Variants in ITPKA observed in about 807,000 individuals in gnomAD.
The protein encoded by ITPKA is inositol-trisphosphate 3-kinase A, also known as IP3 3-kinase A.
ITPKA carries 16 observed loss-of-function variants against 40.7 expected under a neutral mutation model. The ratio of observed to expected loss-of-function variants is 0.39; its 90% CI spans 0.27 to 0.60. The LOEUF (loss-of-function observed/expected upper bound fraction) is 0.60. Ranked by LOEUF, ITPKA falls within the 20% of genes least tolerant of loss-of-function variation. The pLI is 0.50. For synonymous variants in ITPKA, 313 were observed against 289.9 expected (o/e 1.08, Z -0.81); for missense variants, 540 against 649.3 (o/e 0.83, Z 1.83).
chr15:41,501,163 T>C (rs1364874763), intron 1 of ITPKA: 1 of 196,908 alleles, frequency 5.1e-6, no homozygotes, highest in African/African-American at 2.4e-5. Context: ...AGCATTTTCG[T>C]AACCTGCCCA....
At chr15:41,499,985 G>A (rs548899542) in intron 1 of ITPKA, among the ~76,000 whole-genome samples, 3 of 151,938 alleles carry the variant, frequency 2.0e-5, no homozygotes, top group East Asian at 1.9e-4. Flanking sequence ...TTTTTGAGAC[G>A]GAGTCTCACT....
chr15:41,496,471 C>T (rs1054972876), intron 1 of ITPKA, among the ~76,000 whole-genome samples: 7 of 152,206 alleles, frequency 4.6e-5, no homozygotes, highest in Non-Finnish European at 1.0e-4. Context: ...AGCCTCACTC[C>T]GGCAGAGGAA....
intron 4 of ITPKA, 35 bp downstream of exon 4, chr15:41,502,236 C>T (rs763768253): frequency 6.5e-7 from 1 of 1,537,928 alleles, no homozygotes; most frequent in Non-Finnish European, 8.8e-7. Context: ...ACCGCCGCAG[C>T]CCCACTGCGC....
intron 3 of ITPKA, 40 bp downstream of exon 3, chr15:41,501,891 G>GGGGTCC (rs2051114256): frequency 2.5e-6 from 4 of 1,601,632 alleles, no homozygotes; most frequent in Non-Finnish European, 2.6e-6. Flanking sequence ...GGATCAAGTA[G>GGGGTCC]GGGTCCGGGG....
At chr15:41,500,360 A>G (rs969833304) in intron 1 of ITPKA, among the ~76,000 whole-genome samples, 68 of 152,204 alleles carry the variant, frequency 4.5e-4, no homozygotes, top group African/African-American at 1.4e-3. Context: ...AGGGATAGCA[A>G]GAGAGGCTTG....
At chr15:41,500,564 G>A (rs1420398585) in intron 1 of ITPKA, among the ~76,000 whole-genome samples, 1 of 152,210 alleles carries the variant, frequency 6.6e-6, no homozygotes, top group Non-Finnish European at 1.5e-5. Context: ...TGGGATGGGG[G>A]AGCTGGGCGC....
intron 1 of ITPKA, among the ~76,000 whole-genome samples, chr15:41,498,682 G>C (rs1041843400): frequency 1.3e-5 from 2 of 152,156 alleles, no homozygotes; most frequent in African/African-American, 4.8e-5. Context: ...CATTCTTTTG[G>C]ATAAAGGCAA....
At chr15:41,501,435 T>A in intron 1 of ITPKA, 28 bp from the exon 2 acceptor site, 1 of 1,589,938 alleles carries the variant, frequency 6.3e-7, no homozygotes, top group Non-Finnish European at 8.6e-7. Flanking sequence ...AGACGCCGAT[T>A]ATCAGACCTT....
chr15:41,493,972 C>A lies in ITPKA; in HGVS notation c.45C>A (p.Gly15=). The A allele has an allele frequency of 9.3e-7, 1 of 1,069,570 alleles. No individual in the cohort carries two copies. The highest frequency in any genetic ancestry group is 1.1e-6 in the Non-Finnish European group (1 of 885,348). The allele number at this position is 1,069,570 out of a possible 1,614,324, so 66.3% of individuals were successfully genotyped here. A position where few individuals can be genotyped will look rare whatever the true frequency, so the allele number is the denominator to read the frequency against. The change falls in exon 1 of 7, where the codon GGC becomes GGA. Residue 15 remains glycine, a synonymous_variant. Transcript: ENST00000260386. ...GGPTGMARPG[G]ARPCSPGLER... is the part of the protein sequence containing the mutation. ...CAACGGGCATGGCGCGGCCGGGGGG[C>A]GCGAGGCCCTGCAGCCCGGGGCTGG...
chr15:41,495,079 C>T (rs1001770908), intron 1 of ITPKA, among the ~76,000 whole-genome samples: 1 of 152,206 alleles, frequency 6.6e-6, no homozygotes, highest in South Asian at 2.1e-4. Flanking sequence ...ACTGAGGCTG[C>T]AAGGGGGCAG....
chr15:41,494,276 C>G lies in ITPKA; in HGVS notation c.349C>G (p.Pro117Ala), dbSNP rs764104815. 4.5e-6 allele frequency: 7 copies of G among 1,548,150 alleles called. No individual in the cohort carries two copies. Among genetic ancestry groups the G allele is most frequent in the Non-Finnish European group, 5.2e-6 (6 of 1,154,828 alleles). The change falls in exon 1 of 7, where the codon CCG becomes GCG. Residue 117 changes from proline to alanine, a missense_variant. Pro to Ala is a conservative substitution (Grantham distance 27, BLOSUM62 -1). Coordinates refer to ENST00000260386, the MANE Select transcript of ITPKA (RefSeq NM_002220.3). This position sits in a 1 kb window ranked among gnomAD's most constrained non-coding sequence, Gnocchi z 7.8. ...PAAGSSHLQQ[P>A]RRLSTSSVSS... is the part of the protein sequence containing the mutation. ...AGCGGGCTCTTCGCACCTGCAGCAG[C>G]CGCGCCGCCTTTCCACCTCGTCGGT... is the stretch of plus-strand genomic sequence containing the variant.
Position 41,493,886 on chromosome 15 carries a change from G to C in ITPKA, c.-42G>C. On this transcript the variant is annotated 5_prime_UTR_variant, in exon 1 of 7. Transcript: ENST00000260386. ...GCCGAGCCGCTCCAGTCCCCGGCGC[G>C]CCGCGGGCTGGTGGGCTCAGCGGCG... 1.0e-6 allele frequency: 1 copy of C among 996,834 alleles called. No homozygotes were observed. Among genetic ancestry groups the C allele is most frequent in the Non-Finnish European group, 1.2e-6 (1 of 838,952 alleles). 61.7% of individuals were successfully genotyped at this position (996,834 alleles called of 1,614,324 possible). A position where few individuals can be genotyped will look rare whatever the true frequency, so the allele number is the denominator to read the frequency against.
chr15:41,496,368 C>T (rs1248300272), intron 1 of ITPKA, among the ~76,000 whole-genome samples: 1 of 152,190 alleles, frequency 6.6e-6, no homozygotes, highest in Non-Finnish European at 1.5e-5. Context: ...TGCCTGCCTG[C>T]CTGCCTACCT....
chr15:41,499,313 C>A (rs1242103247), intron 1 of ITPKA, among the ~76,000 whole-genome samples: 1 of 152,192 alleles, frequency 6.6e-6, no homozygotes, highest in Non-Finnish European at 1.5e-5. Context: ...CCTAGTGTGC[C>A]ATGTAAGGGC....
Position 41,501,625 on chromosome 15 carries a change from C to G in ITPKA, c.587-10C>G, listed in dbSNP as rs374531611. ...GGGGCTGGGCGGCGCTGACGGATGC[C>G]GGTCCTCAGGGAGTTTTAAGGCGGC... On this transcript the variant is annotated splice_polypyrimidine_tract_variant and intron_variant, in intron 2 of 6. Coordinates refer to ENST00000260386, the MANE Select transcript of ITPKA (RefSeq NM_002220.3). 36 of 1,600,898 alleles carry G rather than the reference C, an allele frequency of 2.2e-5. No individual in the cohort carries two copies. In the Admixed American group the frequency reaches 5.4e-4, roughly 24 times the overall value.
chr15:41,494,701 A>T lies in ITPKA; in HGVS notation c.489+285A>T, dbSNP rs921819030. On this transcript the variant is annotated intron_variant, in intron 1 of 6. Transcript: ENST00000260386. The surrounding 1 kb of genome is among the most constrained non-coding windows in gnomAD (Gnocchi z 7.8). ...CGCGGGGACTGGGCGAAGCGGGGGT[A>T]GCGGACCTTGTTGGCTGTGGGTTAG... 1.3e-5 allele frequency among the ~76,000 whole-genome samples: 2 copies of T among 152,204 alleles called. No individual in the cohort carries two copies. Among genetic ancestry groups the T allele is most frequent in the African/African-American group, 2.4e-5 (1 of 41,460 alleles).
At chr15:41,500,021 C>T (rs1221001763) in intron 1 of ITPKA, among the ~76,000 whole-genome samples, 1 of 152,104 alleles carries the variant, frequency 6.6e-6, no homozygotes, top group Non-Finnish European at 1.5e-5. Context: ...AGTGCAGTGG[C>T]TCGATCACAG....
Position 41,503,495 on chromosome 15 carries a change from G to T in ITPKA, c.*329G>T, listed in dbSNP as rs911973084. ...TTTATTTAGCAAGCCCAGACCTTCC[G>T]GTCTAACGTCTCACACCACGACGGA... is the stretch of plus-strand genomic sequence containing the variant. On this transcript the variant is annotated 3_prime_UTR_variant, in exon 7 of 7. Transcript: ENST00000260386. 1.6e-6 allele frequency: 1 copy of T among 613,640 alleles called. No individual in the cohort carries two copies. Among genetic ancestry groups the T allele is most frequent in the Non-Finnish European group, 3.1e-6 (1 of 322,500 alleles). The allele number at this position is 613,640 out of a possible 1,614,324, so 38.0% of individuals were successfully genotyped here.
At chr15:41,497,818 G>A (rs1012538522) in intron 1 of ITPKA, among the ~76,000 whole-genome samples, 3 of 151,958 alleles carry the variant, frequency 2.0e-5, no homozygotes, top group African/African-American at 7.3e-5. Flanking sequence ...CCCGGAGTTC[G>A]AGGCCAGCCT....
Sources: gnomAD v4.1 joint callset for allele counts (sites outside exome capture counted in the v4.1 genomes callset) on GRCh38, gnomAD v4.1.1 for gene constraint, Gnocchi (gnomAD v3.1) non-coding constraint, MANE v1.5 for transcripts, NCBI Gene and HGNC (gene_info 2026-07-23, HGNC 2026-07-21) for gene names.